Variants in RAPH1 observed in about 807,000 individuals in gnomAD.
RAPH1 encodes the protein ras-associated and pleckstrin homology domains-containing protein 1.
RAPH1 carries 18 observed loss-of-function variants against 88.1 expected under a neutral mutation model. That is an observed-to-expected ratio of 0.20 (90% CI 0.14 to 0.30). The LOEUF (loss-of-function observed/expected upper bound fraction) is 0.30. Among genes scored for constraint, RAPH1 ranks in the 10% least tolerant of loss-of-function variants. The pLI, the probability that RAPH1 is intolerant of heterozygous loss-of-function variation, is 1.00. For synonymous variants in RAPH1, 587 were observed against 559.0 expected, an observed-to-expected ratio of 1.05 and a Z score of -0.71; for missense variants, 1,448 against 1,543.2, an observed-to-expected ratio of 0.94 and a Z score of 1.03.
intron 4 of RAPH1, among the ~76,000 whole-genome samples, chr2:203,462,325 G>A (rs2098524782): frequency 6.6e-6 from 1 of 152,110 alleles, no homozygotes; most frequent in African/African-American, 2.4e-5. Flanking sequence ...TCCAAAGTAA[G>A]GGCAAGTCTT....
In RAPH1 at chr2:203,448,653, T is replaced by C. The variant is rs1185823199; in HGVS notation, c.1512+85A>G. On this transcript the variant is annotated intron_variant, in intron 11 of 13. Coordinates refer to ENST00000319170, the MANE Select transcript of RAPH1 (RefSeq NM_213589.3). The surrounding 1 kb of genome is among the most constrained non-coding windows in gnomAD (Gnocchi z 4.1). Reference sequence around the variant, plus strand: ...CACTGGCAAATCCATGAACATGAAATAGTCAGAATAGTTGTCATGAAAACG... The same window carrying C: ...CACTGGCAAATCCATGAACATGAAACAGTCAGAATAGTTGTCATGAAAACG... 9 of 829,862 alleles carry C rather than the reference T, an allele frequency of 1.1e-5. No homozygotes were observed. Among genetic ancestry groups the C allele is most frequent in the Admixed American group, 5.4e-5 (2 of 37,074 alleles). 51.4% of individuals were successfully genotyped at this position (829,862 alleles called of 1,614,324 possible).
rs1404491962 is a variant in RAPH1 at position 203,439,641 on chromosome 2, T to A, written c.3549A>T (p.Ser1183=). 14 of 1,613,098 alleles carry A rather than the reference T, an allele frequency of 8.7e-6. No individual in the cohort carries two copies. Among genetic ancestry groups the A allele is most frequent in the Non-Finnish European group, 1.1e-5 (13 of 1,179,778 alleles). The change falls in exon 14 of 14, where the codon TCA becomes TCT. Residue 1183 remains serine (S), a synonymous_variant. Coordinates refer to ENST00000319170, the MANE Select transcript of RAPH1 (RefSeq NM_213589.3). ...LQRKSITRHG[S]LSSRMSRAEP... ...CTGCTCTGGACATGCGGGAGGAGAG[T>A]GAGCCGTGCCGAGTGATGGACTTTC...
chr2:203,499,791 A>T lies in RAPH1; in HGVS notation c.1-4438T>A, dbSNP rs571191301. ...TCCTACAACATTTCTTAAAGAATTC[A>T]CACTCTAAAACCACTCTCCATTCTC... is the stretch of plus-strand genomic sequence containing the variant. On this transcript the variant is annotated intron_variant, in intron 1 of 13. Transcript: ENST00000319170. Among the ~76,000 whole-genome samples the T allele has an allele frequency of 4.6e-5, 7 of 152,288 alleles. No homozygotes were observed. The South Asian group carries it at 1.5e-3, about 32-fold the overall frequency.
At chr2:203,502,223 T>C (rs1466776600) in intron 1 of RAPH1, among the ~76,000 whole-genome samples, 1 of 152,168 alleles carries the variant, frequency 6.6e-6, no homozygotes, top group African/African-American at 2.4e-5. Context: ...AACTGCCAGA[T>C]GGAACCAAAC....
chr2:203,507,707 T>C (rs1461880755), intron 1 of RAPH1, among the ~76,000 whole-genome samples: 8 of 152,282 alleles, frequency 5.3e-5, no homozygotes, highest in African/African-American at 1.9e-4. Flanking sequence ...CCATATTCAA[T>C]GGAACTTAAA....
intron 10 of RAPH1, among the ~76,000 whole-genome samples, chr2:203,451,894 A>G (rs1165215058): frequency 6.6e-6 from 1 of 152,214 alleles, no homozygotes; most frequent in African/African-American, 2.4e-5. Context: ...AGTAACTCTC[A>G]AAAGGAGGGT....
Position 203,448,797 on chromosome 2 carries a change from G to A in RAPH1, c.1453C>T (p.Leu485Phe). ...AGTGTCCTCACATCATCACAACAAA[G>A]GTATTTGATATATTGAGATTTCTTC... is the stretch of plus-strand genomic sequence containing the variant. ...IQKKSQYIKY[L>F]CCDDVRTLHQ... is the part of the protein sequence containing the mutation. Residue 485 changes from leucine to phenylalanine, a missense_variant, in exon 11 of 14, where the codon CTT becomes TTT. Physicochemically the swap from Leu to Phe is conservative, Grantham distance 22 (BLOSUM62 0). This residue lies in a region of RAPH1 where 513 missense variants were observed against 653.1 expected (regional missense o/e 0.79). Transcript: ENST00000319170. The surrounding 1 kb of genome is among the most constrained non-coding windows in gnomAD (Gnocchi z 4.1). The A allele has an allele frequency of 6.2e-7, 1 of 1,611,118 alleles. No homozygotes were observed.
chr2:203,490,937 G>A lies in RAPH1; in HGVS notation c.226+277C>T, dbSNP rs564046959. On this transcript the variant is annotated intron_variant, in intron 3 of 13. Transcript: ENST00000319170. The stretch of plus-strand genomic sequence containing the variant: ...TGCATGCCTGTAATCCCAGCTACTC[G>A]GGAGGCTGGGGCAGGAGAATCGCTT... 2.6e-5 allele frequency among the ~76,000 whole-genome samples: 4 copies of A among 151,722 alleles called. No homozygotes were observed. In the East Asian group the frequency reaches 7.8e-4, roughly 29 times the overall value.
At chr2:203,465,383 A>T (rs1202682988) in intron 4 of RAPH1, among the ~76,000 whole-genome samples, 1 of 152,242 alleles carries the variant, frequency 6.6e-6, no homozygotes, top group Non-Finnish European at 1.5e-5. Flanking sequence ...GAAAGAAGCC[A>T]ATCTCAGAAA....
At chr2:203,481,684 T>C (rs1687730723) in intron 4 of RAPH1, among the ~76,000 whole-genome samples, 1 of 149,768 alleles carries the variant, frequency 6.7e-6, no homozygotes, top group East Asian at 2.0e-4. Flanking sequence ...CTCCACCTCC[T>C]AGATTCAAGT....
At chr2:203,491,385 G>T in intron 2 of RAPH1, 66 bp from the exon 3 acceptor site, 2 of 1,140,696 alleles carry the variant, frequency 1.8e-6, no homozygotes, top group Non-Finnish European at 2.5e-6. Flanking sequence ...AAAAGATGAA[G>T]TTTGTTTTAT....
intron 4 of RAPH1, chr2:203,470,367 G>C: frequency 8.7e-7 from 1 of 1,149,236 alleles, no homozygotes; most frequent in Non-Finnish European, 1.3e-6. Flanking sequence ...GAAGTCAGTG[G>C]AGGTTTTATG....
chr2:203,515,724 G>C (rs1689570958), intron 1 of RAPH1, among the ~76,000 whole-genome samples: 1 of 152,168 alleles, frequency 6.6e-6, no homozygotes, highest in Non-Finnish European at 1.5e-5. Context: ...AGAGTGGAGA[G>C]AAACATTTAA....
Position 203,440,279 on chromosome 2 carries a change from GT to G in RAPH1, c.2910del (p.Lys970AsnfsTer31). 1.2e-6 allele frequency: 2 copies of G among 1,613,796 alleles called. No individual in the cohort carries two copies. Among genetic ancestry groups the G allele is most frequent in the Non-Finnish European group, 1.7e-6 (2 of 1,179,958 alleles). On this transcript the variant is annotated frameshift_variant, in exon 14 of 14. Coordinates refer to ENST00000319170, the MANE Select transcript of RAPH1 (RefSeq NM_213589.3). LOFTEE classifies it high-confidence loss of function. ...TSKTSSPGGK[K>X]PPPTPQRNSS... is the part of the protein sequence containing the mutation. ...GAGTTGCGCTGTGGGGTTGGGGGTG[GT>G]TTCTTTCCCCCAGGGCTGGACGTCT...
Position 203,437,765 on chromosome 2 carries a change from TC to T in RAPH1, c.*1671del. The stretch of plus-strand genomic sequence containing the variant: ...CATTCTAGAATTATTTACCATCTCT[TC>T]CCCCACTTTACTGGCATCACTTTTT... On this transcript the variant is annotated 3_prime_UTR_variant, in exon 14 of 14. Coordinates refer to ENST00000319170, the MANE Select transcript of RAPH1 (RefSeq NM_213589.3). The T allele has an allele frequency of 5.3e-6, 1 of 189,068 alleles. No individual in the cohort carries two copies. The allele number at this position is 189,068 out of a possible 1,614,324, so 11.7% of individuals were successfully genotyped here.
At chr2:203,512,203 CG>C (rs1213926732) in intron 1 of RAPH1, among the ~76,000 whole-genome samples, 1 of 151,394 alleles carries the variant, frequency 6.6e-6, no homozygotes, top group Admixed American at 6.6e-5. Context: ...CCCAGGCAGG[CG>C]GACCACTTGA....
chr2:203,521,210 T>C (rs1689850480), intron 1 of RAPH1, among the ~76,000 whole-genome samples: 1 of 151,976 alleles, frequency 6.6e-6, no homozygotes, highest in East Asian at 1.9e-4. Flanking sequence ...GGTGCCACCA[T>C]ACCCAGCTAA....
chr2:203,528,678 T>C (rs1358618606), intron 1 of RAPH1, among the ~76,000 whole-genome samples: 1 of 152,158 alleles, frequency 6.6e-6, no homozygotes. Flanking sequence ...AAATATAACG[T>C]ATCATATTCA....
intron 12 of RAPH1, chr2:203,447,185 T>G (rs533451439): frequency 6.7e-6 from 1 of 148,818 alleles, no homozygotes; most frequent in African/African-American, 2.5e-5. Context: ...TTCTTTCTTT[T>G]TTTTTTTTTT....
Sources: gnomAD v4.1 joint callset for allele counts (sites outside exome capture counted in the v4.1 genomes callset) on GRCh38, gnomAD v4.1.1 for gene constraint, gnomAD v4.1.1 regional missense constraint, Gnocchi (gnomAD v3.1) non-coding constraint, MANE v1.5 for transcripts, NCBI Gene and HGNC (gene_info 2026-07-23, HGNC 2026-07-21) for gene names.